Variants in FABP12 observed in about 807,000 individuals in gnomAD.
The protein encoded by FABP12 is fatty acid-binding protein 12.
FABP12 carries 19 observed loss-of-function variants against 13.7 expected under a neutral mutation model. The observed-to-expected ratio is 1.39, with a 90% CI of 0.97 to 2.04. The LOEUF (loss-of-function observed/expected upper bound fraction) is 2.04, where lower values mean the gene tolerates loss of function less well. FABP12 is among the 30% of genes most tolerant of loss of function. The pLI is 0.00. For synonymous variants in FABP12, 61 were observed against 57.0 expected (o/e 1.07, Z -0.32); for missense variants, 182 against 164.2 (o/e 1.11, Z -0.59).
intron 1 of FABP12, among the ~76,000 whole-genome samples, chr8:81,543,868 C>T (rs947316690): frequency 1.3e-5 from 2 of 149,374 alleles, no homozygotes; most frequent in African/African-American, 5.1e-5. Flanking sequence ...CCCAGTGGTA[C>T]CAGGCAGAAA....
At chr8:81,560,542 A>G (rs1319235102) in intron 1 of FABP12, among the ~76,000 whole-genome samples, 1 of 152,208 alleles carries the variant, frequency 6.6e-6, no homozygotes, top group African/African-American at 2.4e-5. Flanking sequence ...CCCATCAGCC[A>G]GACAAAACAC....
intron 1 of FABP12, among the ~76,000 whole-genome samples, chr8:81,562,527 C>G (rs2130048857): frequency 6.6e-6 from 1 of 152,226 alleles, no homozygotes; most frequent in African/African-American, 2.4e-5. Flanking sequence ...CTGCCCTGGA[C>G]CAGTCAGGAG....
At chr8:81,562,391 G>A (rs908893333) in intron 1 of FABP12, among the ~76,000 whole-genome samples, 1 of 152,276 alleles carries the variant, frequency 6.6e-6, no homozygotes, top group Non-Finnish European at 1.5e-5. Flanking sequence ...GAGAAAAAGA[G>A]AGGGAAAAGT....
At chr8:81,589,495 G>C (rs34484987) in intron 1 of FABP12, among the ~76,000 whole-genome samples, 3,836 of 152,132 alleles carry the variant, frequency 0.025, 126 homozygotes, top group African/African-American at 0.078. Context: ...CACAAACAGC[G>C]CTGACCTCCC....
intron 1 of FABP12, among the ~76,000 whole-genome samples, chr8:81,564,890 T>G (rs1163893506): frequency 6.6e-6 from 1 of 151,984 alleles, no homozygotes; most frequent in Non-Finnish European, 1.5e-5. Flanking sequence ...AGAAATAGAC[T>G]GTCTGAGTGG....
chr8:81,537,097 T>G (rs1162992589), upstream of FABP12, among the ~76,000 whole-genome samples: 1 of 152,198 alleles, frequency 6.6e-6, no homozygotes, highest in East Asian at 1.9e-4. Flanking sequence ...CAAAAGACAT[T>G]TTTATATTTA....
intron 1 of FABP12, among the ~76,000 whole-genome samples, chr8:81,531,943 G>GCACA (rs10554665): frequency 0.027 from 3,925 of 147,822 alleles, 151 homozygotes; most frequent in African/African-American, 0.089. Flanking sequence ...ACAAACACAT[G>GCACA]CACACACACA....
chr8:81,529,631 G>A, intron 2 of FABP12, 21 bp from the exon 3 acceptor site: 2 of 1,595,154 alleles, frequency 1.3e-6, no homozygotes, highest in Non-Finnish European at 1.7e-6. Context: ...GATAAAAGGA[G>A]TATTATCTTT....
intron 1 of FABP12, among the ~76,000 whole-genome samples, chr8:81,570,191 G>A (rs564512429): frequency 1.3e-5 from 2 of 152,328 alleles, no homozygotes; most frequent in African/African-American, 4.8e-5. Context: ...AGATCCACAA[G>A]GACCCAAAGA....
chr8:81,557,027 A>G (rs1176012296), intron 1 of FABP12, among the ~76,000 whole-genome samples: 1 of 151,344 alleles, frequency 6.6e-6, no homozygotes, highest in South Asian at 2.1e-4. Flanking sequence ...GGCATGCACC[A>G]CCATTTCCAG....
At chr8:81,578,833 T>TTTTTTC (rs1810103534) in intron 1 of FABP12, among the ~76,000 whole-genome samples, 1 of 140,320 alleles carries the variant, frequency 7.1e-6, no homozygotes, top group Non-Finnish European at 1.5e-5. Flanking sequence ...GTTTTTTTTT[T>TTTTTTC]TTTTTTTTTG....
chr8:81,563,997 C>A (rs1314403626), intron 1 of FABP12, among the ~76,000 whole-genome samples: 5 of 152,010 alleles, frequency 3.3e-5, no homozygotes, highest in Admixed American at 6.5e-5. Flanking sequence ...ATTTAATAAT[C>A]AAACTCCAAA....
chr8:81,578,629 G>C (rs1047661056), intron 1 of FABP12, among the ~76,000 whole-genome samples: 5 of 151,138 alleles, frequency 3.3e-5, no homozygotes, highest in Non-Finnish European at 7.4e-5. Context: ...GGGACTACAG[G>C]CACACGCCAC....
intron 1 of FABP12, among the ~76,000 whole-genome samples, chr8:81,554,838 G>A (rs940066264): frequency 1.9e-4 from 29 of 152,020 alleles, no homozygotes; most frequent in Admixed American, 1.9e-3. Flanking sequence ...AATCTCATAA[G>A]GTTCTAAGAA....
chr8:81,557,610 G>T (rs190550393), intron 1 of FABP12, among the ~76,000 whole-genome samples: 2 of 152,340 alleles, frequency 1.3e-5, no homozygotes, highest in Non-Finnish European at 2.9e-5. Context: ...TATATAAGCA[G>T]TGATTATTTC....
rs1314593306 is a variant in FABP12, at chr8:81,586,202, C to T, written c.-185+3851G>A. Among the ~76,000 whole-genome samples, 4 of 152,302 alleles carry T rather than the reference C, an allele frequency of 2.6e-5. No individual in the cohort carries two copies. In the East Asian group the frequency reaches 7.7e-4, roughly 29 times the overall value. On this transcript the variant is annotated intron_variant, in intron 1 of 5. Coordinates refer to the FABP12 transcript ENST00000692030. ...TTCTTTTTATAGCTGTGTAGTACTC[C>T]ATGATGTATATGTACCACATTTTCT... is the stretch of plus-strand genomic sequence containing the variant.
chr8:81,558,134 C>T (rs1809653336), intron 1 of FABP12, among the ~76,000 whole-genome samples: 1 of 152,222 alleles, frequency 6.6e-6, no homozygotes, highest in Admixed American at 6.5e-5. Context: ...TGCTTCTCTA[C>T]TGCGTGCTCT....
intron 1 of FABP12, among the ~76,000 whole-genome samples, chr8:81,562,823 AC>A (rs540011814): frequency 2.0e-5 from 3 of 152,196 alleles, no homozygotes; most frequent in Non-Finnish European, 4.4e-5. Context: ...GCATCTCTGG[AC>A]CTGCACAGGA....
chr8:81,545,350 T>C (rs1295602891), intron 1 of FABP12, among the ~76,000 whole-genome samples: 1 of 152,142 alleles, frequency 6.6e-6, no homozygotes, highest in Non-Finnish European at 1.5e-5. Flanking sequence ...AGGGACATGA[T>C]TGGACTTCTC....
Sources: gnomAD v4.1 joint callset for allele counts (sites outside exome capture counted in the v4.1 genomes callset) on GRCh38, gnomAD v4.1.1 for gene constraint, MANE v1.5 for transcripts, NCBI Gene and HGNC (gene_info 2026-07-23, HGNC 2026-07-21) for gene names.